SOAT1: variants seen among roughly 807,000 people sequenced by gnomAD.
The protein encoded by SOAT1 is acyl-coenzyme A:cholesterol acyltransferase 1.
A neutral mutation model predicts 69.5 loss-of-function variants in SOAT1; 55 were observed. That is an observed-to-expected ratio of 0.79 (90% CI 0.64 to 0.99). The LOEUF is 0.99. Ranked by LOEUF, SOAT1 falls within the 50% of genes least tolerant of loss-of-function variation. The pLI, the probability that SOAT1 is intolerant of heterozygous loss-of-function variation, is 0.00. For missense variants in SOAT1, 580 were observed against 669.3 expected (o/e 0.87, Z 1.47); for synonymous variants, 231 against 224.7 (o/e 1.03, Z -0.25).
rs71901753 is a variant in SOAT1, at chr1:179,351,721, A to ATTT, written c.1596+273_1596+275dup. Among the ~76,000 whole-genome samples, 7 of 106,468 alleles carry ATTT rather than the reference A, an allele frequency of 6.6e-5. 1 individual carries two copies. The highest frequency in any genetic ancestry group is 1.6e-4 in the African/African-American group (4 of 25,112). The allele number at this position is 106,468 out of a possible 152,430, so 69.8% of individuals were successfully genotyped here. A position where few individuals can be genotyped will look rare whatever the true frequency, so the allele number is the denominator to read the frequency against. ...ACTGCCTTTTCTTCAGCCCCTTCTA[A>ATTT]TTTTTTTTTTTTTTTTGAGACAGAG... On this transcript the variant is annotated intron_variant, in intron 15 of 15. Transcript: ENST00000367619.
In SOAT1 at chr1:179,353,211, A is replaced by ATATATATATATATT. The variant is rs1553248891; in HGVS notation, c.1597-361_1597-360insTTATATATATATAT. Among the ~76,000 whole-genome samples, 52 of 64,486 alleles carry ATATATATATATATT rather than the reference A, an allele frequency of 8.1e-4. 10 individuals carry two copies. The East Asian group carries it at 0.02, about 25-fold the overall frequency. The allele number at this position is 64,486 out of a possible 152,430, so 42.3% of individuals were successfully genotyped here. On this transcript the variant is annotated intron_variant, in intron 15 of 15. Coordinates refer to ENST00000367619, the MANE Select transcript of SOAT1 (RefSeq NM_003101.6). ...ATCTAAATGGTGGTTATATATAAAT[A>ATATATATATATATT]TATATATATATATCTATTTGTCGTC...
intron 2 of SOAT1, among the ~76,000 whole-genome samples, chr1:179,315,741 A>G (rs1424356967): frequency 2.6e-5 from 4 of 152,164 alleles, no homozygotes; most frequent in Non-Finnish European, 5.9e-5. Flanking sequence ...GTTTGTAATG[A>G]TGGCTGTCGT....
chr1:179,342,135 C>T lies in SOAT1; in HGVS notation c.802C>T (p.His268Tyr). Residue 268 changes from histidine (H) to tyrosine (Y), a missense_variant, in exon 8 of 16, where the codon CAC becomes TAC. By Grantham distance (83) the His-to-Tyr change is moderately conservative. Coordinates refer to ENST00000367619, the MANE Select transcript of SOAT1 (RefSeq NM_003101.6). ...FEQIRFVMKA[H>Y]SFVRENVPRV... ...GTAGATTCGTTTTGTAATGAAGGCC[C>T]ACTCATTTGTCAGAGAGAACGTGCC... 1.2e-6 allele frequency: 2 copies of T among 1,613,422 alleles called. No homozygotes were observed. The highest frequency in any genetic ancestry group is 8.5e-7 in the Non-Finnish European group (1 of 1,179,596).
chr1:179,337,721 G>C (rs1201814742), intron 4 of SOAT1, 116 bp from the exon 5 acceptor site: 2 of 650,394 alleles, frequency 3.1e-6, no homozygotes, highest in Admixed American at 3.0e-5. Context: ...GTAGTGAAAA[G>C]GTCATTGGTC....
intron 14 of SOAT1, among the ~76,000 whole-genome samples, chr1:179,351,074 A>T (rs1283447576): frequency 7.8e-6 from 1 of 127,646 alleles, no homozygotes. Flanking sequence ...ACAGAGTTTC[A>T]CTCCTGTGAC....
chr1:179,342,589 A>T (rs1666379976), intron 8 of SOAT1, among the ~76,000 whole-genome samples: 3 of 152,198 alleles, frequency 2.0e-5, no homozygotes, highest in African/African-American at 7.2e-5. Flanking sequence ...TGGAATGTTA[A>T]TAGCCTCATT....
chr1:179,300,823 C>T lies in SOAT1; in HGVS notation c.-8-1854C>T, dbSNP rs556018826. On this transcript the variant is annotated intron_variant, in intron 1 of 15. Transcript: ENST00000367619. ...TTAAAATTGTTTTTTTGGCCGGGTG[C>T]GGTGGCTCATGCCTGTAATCCCAGC... is the stretch of plus-strand genomic sequence containing the variant. Among the ~76,000 whole-genome samples the T allele has an allele frequency of 1.2e-4, 18 of 152,194 alleles. No individual in the cohort carries two copies. In the South Asian group the frequency reaches 3.1e-3, roughly 26 times the overall value.
chr1:179,341,407 C>G, intron 7 of SOAT1, 97 bp downstream of exon 7: 1 of 1,246,432 alleles, frequency 8.0e-7, no homozygotes, highest in South Asian at 1.5e-5. Context: ...GCTGTATTAA[C>G]TTGGATAAAT....
At chr1:179,317,533 A>AAAT in intron 2 of SOAT1, among the ~76,000 whole-genome samples, 2 of 34,010 alleles carry the variant, frequency 5.9e-5, no homozygotes, top group Admixed American at 1.0e-3. Context: ...ACTCCGTCTC[A>AAAT]AAAAAAAAAA....
At chr1:179,339,599 T>C (rs565913577) in intron 6 of SOAT1, 54 bp downstream of exon 6, 129 of 1,219,696 alleles carry the variant, frequency 1.1e-4, no homozygotes, top group Non-Finnish European at 1.3e-4. Flanking sequence ...GTTAGAGGTT[T>C]TCACTAAATT....
In SOAT1 at chr1:179,335,626, C is replaced by A; in HGVS notation, c.298C>A (p.Leu100Ile). 1 of 1,612,948 alleles carries A rather than the reference C, an allele frequency of 6.2e-7. No individual in the cohort carries two copies. The highest frequency in any genetic ancestry group is 1.3e-5 in the African/African-American group (1 of 75,002). ...GGCALTTFSV[L>I]EGEKNNHRAK... is the part of the protein sequence containing the mutation. ...GTGCGCTCTCACAACCTTTTCTGTT[C>A]TTGAAGGAGAGAAAAACAACCATAG... The change falls in exon 4 of 16, where the codon CTT becomes ATT. Residue 100 changes from leucine to isoleucine, a missense_variant. Physicochemically the swap from Leu to Ile is conservative, Grantham distance 5. Coordinates refer to ENST00000367619, the MANE Select transcript of SOAT1 (RefSeq NM_003101.6).
In SOAT1 at chr1:179,343,619, C is replaced by T. The variant is rs1361619517; in HGVS notation, c.971C>T (p.Ala324Val). 6.2e-7 allele frequency: 1 copy of T among 1,611,566 alleles called. No individual in the cohort carries two copies. The highest frequency in any genetic ancestry group is 8.5e-7 in the Non-Finnish European group (1 of 1,178,538). The change falls in exon 10 of 16, where the codon GCT (alanine) becomes GTT (valine). Residue 324 changes from alanine to valine, a missense_variant. Coordinates refer to ENST00000367619, the MANE Select transcript of SOAT1 (RefSeq NM_003101.6). ...RNPTVRWGYVAMKFAQVFGCF... is the reference protein window; with the variant it reads ...RNPTVRWGYVVMKFAQVFGCF... ...CCCACTGTAAGATGGGGTTATGTCG[C>T]TATGAAGTTTGCACAGGTAAGTTTT...
At position 179,342,853 on chromosome 1, in the gene SOAT1, C is replaced by T. The variant is rs772916095; in HGVS notation, c.860-9C>T. The T allele has an allele frequency of 9.3e-6, 15 of 1,608,240 alleles. No individual in the cohort carries two copies. In the South Asian group the frequency reaches 1.5e-4, roughly 17 times the overall value. The stretch of plus-strand genomic sequence containing the variant: ...AGCCTTTGCTCTAACTATAGTTTTC[C>T]TTTTCTAGGCACTGTTCCAATACCT... On this transcript the variant is annotated splice_polypyrimidine_tract_variant and intron_variant, in intron 8 of 15. Coordinates refer to ENST00000367619, the MANE Select transcript of SOAT1 (RefSeq NM_003101.6).
chr1:179,304,865 C>T (rs1446077118), intron 2 of SOAT1, among the ~76,000 whole-genome samples: 1 of 151,948 alleles, frequency 6.6e-6, no homozygotes, highest in Non-Finnish European at 1.5e-5. Flanking sequence ...CCAGGCTGGT[C>T]TTGAACTCTG....
intron 10 of SOAT1, among the ~76,000 whole-genome samples, chr1:179,344,285 G>A (rs1234681979): frequency 2.0e-5 from 3 of 148,830 alleles, no homozygotes; most frequent in African/African-American, 7.4e-5. Context: ...ATTAATCCTG[G>A]AAGATCCCAT....
intron 3 of SOAT1, among the ~76,000 whole-genome samples, chr1:179,329,433 A>G (rs565647566): frequency 3.3e-5 from 5 of 152,296 alleles, no homozygotes; most frequent in Non-Finnish European, 7.4e-5. Context: ...CGCCTTCTAA[A>G]TAAGTTTTTG....
chr1:179,294,824 C>A (rs1664577234), intron 1 of SOAT1, among the ~76,000 whole-genome samples: 1 of 152,240 alleles, frequency 6.6e-6, no homozygotes, highest in African/African-American at 2.4e-5. Context: ...TGAGCCACCG[C>A]GCCTGGCCTG....
chr1:179,322,264 A>T (rs988248886), intron 2 of SOAT1, among the ~76,000 whole-genome samples: 11 of 152,036 alleles, frequency 7.2e-5, no homozygotes, highest in African/African-American at 2.7e-4. Context: ...TAAAAGTAAC[A>T]ATTCCATTAT....
At chr1:179,318,658 T>C (rs1665481863) in intron 2 of SOAT1, among the ~76,000 whole-genome samples, 1 of 152,178 alleles carries the variant, frequency 6.6e-6, no homozygotes, top group Admixed American at 6.5e-5. Context: ...CCACCAGCGT[T>C]TTGTCTGTCT....
Sources: gnomAD v4.1 joint callset for allele counts (sites outside exome capture counted in the v4.1 genomes callset) on GRCh38, gnomAD v4.1.1 for gene constraint, MANE v1.5 for transcripts, NCBI Gene and HGNC (gene_info 2026-07-23, HGNC 2026-07-21) for gene names.